Variants in CD8B observed in about 807,000 individuals in gnomAD.
CD8B encodes the protein T-cell surface glycoprotein CD8 beta chain.
In CD8B, 6 loss-of-function variants were observed where a neutral mutation model predicts 24.2. The observed-to-expected ratio is 0.25, with a 90% confidence interval of 0.14 to 0.49. The LOEUF is 0.49. Among genes scored for constraint, CD8B ranks in the 20% least tolerant of loss-of-function variants. The pLI, the probability that CD8B is intolerant of heterozygous loss-of-function variation, is 0.98. For synonymous variants in CD8B, 84 were observed against 108.3 expected (o/e 0.78, Z 1.39); for missense variants, 196 against 271.3 (o/e 0.72, Z 1.95).
At chr2:86,832,126 A>G (rs1674925190) in intron 5 of CD8B, among the ~76,000 whole-genome samples, 1 of 152,188 alleles carries the variant, frequency 6.6e-6, no homozygotes, top group South Asian at 2.1e-4. Flanking sequence ...GGTGAATTGT[A>G]ATTTTAGGCA....
Position 86,841,998 on chromosome 2 carries a change from C to G in CD8B, c.*309G>C. The G allele has an allele frequency of 1.8e-6, 2 of 1,136,754 alleles. No individual in the cohort carries two copies. Among genetic ancestry groups the G allele is most frequent in the Non-Finnish European group, 1.1e-6 (1 of 926,634 alleles). 70.4% of individuals were successfully genotyped at this position (1,136,754 alleles called of 1,614,324 possible). ...TGGCTAAATGGCCACCACTAAAGGT[C>G]CCAGTTCAGGGAAAGCACAGGAGCC... On this transcript the variant is annotated 3_prime_UTR_variant, in exon 6 of 6. Transcript: ENST00000390655.
At chr2:86,852,575 G>A (rs966963681) in intron 3 of CD8B, among the ~76,000 whole-genome samples, 6 of 151,730 alleles carry the variant, frequency 4.0e-5, no homozygotes, top group South Asian at 2.1e-4. Flanking sequence ...CCATAATCAT[G>A]GAATCATATA....
At chr2:86,836,288 G>T (rs1351262878), downstream of CD8B, among the ~76,000 whole-genome samples, 1 of 152,118 alleles carries the variant, frequency 6.6e-6, no homozygotes, top group African/African-American at 2.4e-5. Context: ...ATTTGTACAG[G>T]TGGCAGGAAA....
At chr2:86,829,256 G>A (rs1395878856) in intron 5 of CD8B, among the ~76,000 whole-genome samples, 2 of 151,848 alleles carry the variant, frequency 1.3e-5, no homozygotes, top group Non-Finnish European at 2.9e-5. Context: ...ACAGGTGCAT[G>A]CCACCATGCC....
At chr2:86,821,979 C>G (rs1674496229) in intron 5 of CD8B, among the ~76,000 whole-genome samples, 2 of 152,154 alleles carry the variant, frequency 1.3e-5, no homozygotes, top group African/African-American at 4.8e-5. Flanking sequence ...TATTGTATGT[C>G]TGCCCTGTGG....
chr2:86,854,318 G>A (rs1676123399), intron 2 of CD8B, among the ~76,000 whole-genome samples: 1 of 152,190 alleles, frequency 6.6e-6, no homozygotes, highest in Non-Finnish European at 1.5e-5. Context: ...GCTCATGGAA[G>A]GAGGGGGTGC....
chr2:86,841,356 C>G lies in CD8B; in HGVS notation c.*951G>C, dbSNP rs950540129. On this transcript the variant is annotated 3_prime_UTR_variant, in exon 6 of 6. Transcript: ENST00000390655. Reference sequence around the variant, plus strand: ...TAGAAATGAACACGTGCTAGTTCAGCTTGGGAGTGGGCTGGGAGAGGGGCC... The same window carrying G: ...TAGAAATGAACACGTGCTAGTTCAGGTTGGGAGTGGGCTGGGAGAGGGGCC... Among the ~76,000 whole-genome samples the G allele has an allele frequency of 6.7e-6, 1 of 150,292 alleles. No individual in the cohort carries two copies. Among genetic ancestry groups the G allele is most frequent in the African/African-American group, 2.5e-5 (1 of 40,784 alleles).
At chr2:86,853,769 G>T (rs1395793198) in intron 2 of CD8B, among the ~76,000 whole-genome samples, 1 of 151,992 alleles carries the variant, frequency 6.6e-6, no homozygotes, top group Non-Finnish European at 1.5e-5. Flanking sequence ...GCAGTGGCAC[G>T]ATCTCGGCTC....
At chr2:86,852,865 C>T in intron 3 of CD8B, 132 bp downstream of exon 3, 1 of 1,420,662 alleles carries the variant, frequency 7.0e-7, no homozygotes, top group Non-Finnish European at 9.5e-7. Flanking sequence ...CCTTTCTGAC[C>T]CTAGCTTAGG....
chr2:86,858,278 G>C lies in CD8B; in HGVS notation c.182C>G (p.Pro61Arg). 1.2e-6 allele frequency: 2 copies of C among 1,614,002 alleles called. No individual in the cohort carries two copies. The highest frequency in any genetic ancestry group is 2.2e-5 in the South Asian group (2 of 91,080). ...RIYWLRQRQA[P>R]SSDSHHEFLA... ...GAACTCGTGGTGACTGTCACTGCTC[G>C]GTGCCTGGCGCTGTCTCAGCCAGTA... The change falls in exon 2 of 6, where the codon CCG becomes CGG. Residue 61 changes from proline to arginine, a missense_variant. Coordinates refer to ENST00000390655, the MANE Select transcript of CD8B (RefSeq NM_004931.5).
intron 5 of CD8B, among the ~76,000 whole-genome samples, chr2:86,824,836 C>T (rs891665280): frequency 1.3e-5 from 2 of 152,182 alleles, no homozygotes; most frequent in Non-Finnish European, 2.9e-5. Context: ...GAATCGCTTC[C>T]AGAATCTTTA....
At chr2:86,850,047 C>T (rs1417927024) in intron 3 of CD8B, among the ~76,000 whole-genome samples, 1 of 152,078 alleles carries the variant, frequency 6.6e-6, no homozygotes, top group Admixed American at 6.6e-5. Context: ...GTGCAGGTCA[C>T]AGGGATGTAC....
At chr2:86,815,547 G>A (rs2104481553), downstream of CD8B, 2 of 1,014,784 alleles carry the variant, frequency 2.0e-6, no homozygotes, top group South Asian at 2.6e-5. Flanking sequence ...ATCCCTCTGA[G>A]CGAGGGAGGA....
chr2:86,841,636 CA>C lies in CD8B; in HGVS notation c.*670del, dbSNP rs1243860489. The C allele has an allele frequency of 4.1e-6, 4 of 983,642 alleles. No homozygotes were observed. In the Admixed American group the frequency reaches 2.5e-4, roughly 61 times the overall value. 60.9% of individuals were successfully genotyped at this position (983,642 alleles called of 1,614,324 possible). ...GTACAACTAAGACATTTGTATAAAACAAACAGAAAATGAAAGAAGCATTAAG... is the reference window on the plus strand; with the variant it reads ...GTACAACTAAGACATTTGTATAAAACAACAGAAAATGAAAGAAGCATTAAG... On this transcript the variant is annotated 3_prime_UTR_variant, in exon 6 of 6. Coordinates refer to ENST00000390655, the MANE Select transcript of CD8B (RefSeq NM_004931.5).
intron 5 of CD8B, chr2:86,843,786 T>C: frequency 2.1e-6 from 1 of 473,790 alleles, no homozygotes; most frequent in Non-Finnish European, 2.8e-6. Context: ...GACTGTGAGA[T>C]TGGCACTGTT....
intron 1 of CD8B, among the ~76,000 whole-genome samples, chr2:86,858,682 G>A (rs1351872183): frequency 2.1e-5 from 3 of 144,166 alleles, no homozygotes; most frequent in African/African-American, 7.9e-5. Flanking sequence ...TGTTTATTGT[G>A]TACTTATATG....
At chr2:86,861,238 C>T (rs1573533181) in intron 1 of CD8B, among the ~76,000 whole-genome samples, 2 of 152,050 alleles carry the variant, frequency 1.3e-5, no homozygotes, top group East Asian at 3.9e-4. Flanking sequence ...GATGCCCCAT[C>T]CAACTCCAAC....
intron 2 of CD8B, among the ~76,000 whole-genome samples, chr2:86,856,110 G>A (rs1019593061): frequency 3.9e-5 from 6 of 152,340 alleles, no homozygotes; most frequent in African/African-American, 7.2e-5. Context: ...GTTCGGCTCC[G>A]AAGAAGGTCT....
chr2:86,861,836 G>T lies in CD8B; in HGVS notation c.30C>A (p.Ala10=), dbSNP rs1468008784. Residue 10 remains alanine, a synonymous_variant, in exon 1 of 6, where the codon GCC becomes GCA. Coordinates refer to ENST00000390655, the MANE Select transcript of CD8B (RefSeq NM_004931.5). MRPRLWLLL[A]AQLTVLHGNS... ...CCGCCGCCTTACCTGTCAGCTGCGC[G>T]GCCAAGAGGAGCCACAGCCGCGGCC... 1 of 1,283,248 alleles carries T rather than the reference G, an allele frequency of 7.8e-7. No individual in the cohort carries two copies. The highest frequency in any genetic ancestry group is 2.7e-5 in the South Asian group (1 of 37,502). The allele number at this position is 1,283,248 out of a possible 1,614,324, so 79.5% of individuals were successfully genotyped here.
Sources: gnomAD v4.1 joint callset for allele counts (sites outside exome capture counted in the v4.1 genomes callset) on GRCh38, gnomAD v4.1.1 for gene constraint, MANE v1.5 for transcripts, NCBI Gene and HGNC (gene_info 2026-07-23, HGNC 2026-07-21) for gene names.